Variants in SPEF2 observed in about 807,000 individuals in gnomAD.
SPEF2 encodes sperm flagella and cilia-associated protein 2.
Under a neutral mutation model 224.6 loss-of-function variants are expected in SPEF2, and 187 were observed. The ratio of observed to expected loss-of-function variants is 0.83; its 90% CI spans 0.74 to 0.94. The LOEUF is 0.94. Among genes scored for constraint, SPEF2 ranks in the 40% least tolerant of loss-of-function variants. SPEF2 has a pLI of 0.00. For synonymous variants in SPEF2, 715 were observed against 707.3 expected, an observed-to-expected ratio of 1.01 and a Z score of -0.17; for missense variants, 2,170 against 2,135.6, an observed-to-expected ratio of 1.02 and a Z score of -0.32.
chr5:35,627,277 T>A (rs1163529254), intron 1 of SPEF2, among the ~76,000 whole-genome samples: 1 of 152,012 alleles, frequency 6.6e-6, no homozygotes, highest in Non-Finnish European at 1.5e-5. Context: ...GAACATTTTT[T>A]AAAAAAGCAA....
In SPEF2 at chr5:35,697,728, G is replaced by A. The variant is rs756932169; in HGVS notation, c.2076G>A (p.Gln692=). 17 of 1,613,358 alleles carry A rather than the reference G, an allele frequency of 1.1e-5. No homozygotes were observed. Among genetic ancestry groups the A allele is most frequent in the Non-Finnish European group, 1.4e-5 (16 of 1,179,658 alleles). ...CTCAGCTTGGTGCAAAATCAGAACAGTTGCTGAAGAAAGGAAAGAGCATTC... is the reference window on the plus strand; with the variant it reads ...CTCAGCTTGGTGCAAAATCAGAACAATTGCTGAAGAAAGGAAAGAGCATTC... ...TRAQLGAKSE[Q]LLKKGKSIPD... is the part of the protein sequence containing the mutation. The change falls in exon 15 of 37, where the codon CAG becomes CAA. Residue 692 remains glutamine (Q), a synonymous_variant. Transcript: ENST00000356031.
chr5:35,753,929 A>G (rs1399210609), intron 24 of SPEF2, among the ~76,000 whole-genome samples, 168 bp downstream of exon 24: 2 of 152,172 alleles, frequency 1.3e-5, no homozygotes, highest in Non-Finnish European at 2.9e-5. Context: ...AGCCGAAATA[A>G]TACATTTTGA....
intron 30 of SPEF2, chr5:35,791,378 G>A (rs1483327727): frequency 6.6e-6 from 1 of 152,152 alleles, no homozygotes; most frequent in African/African-American, 2.4e-5. Context: ...AAGGATTATT[G>A]CATTTCCCTG....
intron 21 of SPEF2, among the ~76,000 whole-genome samples, chr5:35,732,436 G>A (rs1745787315): frequency 6.6e-6 from 1 of 152,072 alleles, no homozygotes; most frequent in Non-Finnish European, 1.5e-5. Context: ...TGACAAACTA[G>A]AAACCAGAGA....
At chr5:35,709,348 C>T in intron 19 of SPEF2, 1 of 1,349,584 alleles carries the variant, frequency 7.4e-7, no homozygotes, top group Non-Finnish European at 9.5e-7. Flanking sequence ...GTCATCACAC[C>T]TAGGTCTACT....
intron 12 of SPEF2, among the ~76,000 whole-genome samples, chr5:35,693,695 C>T (rs959380410): frequency 4.6e-5 from 7 of 152,158 alleles, no homozygotes; most frequent in African/African-American, 1.7e-4. Flanking sequence ...GTCCACTACT[C>T]TTTCCTCTCT....
intron 21 of SPEF2, among the ~76,000 whole-genome samples, chr5:35,730,878 C>T (rs1461064065): frequency 2.0e-5 from 3 of 152,064 alleles, no homozygotes; most frequent in African/African-American, 4.8e-5. Context: ...AGAAAATTTG[C>T]CCTTAAAATC....
intron 7 of SPEF2, among the ~76,000 whole-genome samples, chr5:35,657,548 A>T (rs775512718): frequency 6.6e-6 from 1 of 152,002 alleles, no homozygotes; most frequent in African/African-American, 2.4e-5. Context: ...TGAACAATTG[A>T]GTATTAGGAG....
At chr5:35,781,256 C>G (rs536893735) in intron 30 of SPEF2, 2 of 151,690 alleles carry the variant, frequency 1.3e-5, no homozygotes, top group Admixed American at 1.3e-4. Flanking sequence ...ATATGAACAA[C>G]TATTTGAGTT....
intron 1 of SPEF2, among the ~76,000 whole-genome samples, chr5:35,618,520 A>C (rs887396242): frequency 2.6e-5 from 4 of 152,212 alleles, no homozygotes; most frequent in African/African-American, 7.2e-5. Flanking sequence ...TGGACAAGTT[A>C]CAATACCTTC....
At chr5:35,749,437 C>T (rs560835015) in intron 23 of SPEF2, among the ~76,000 whole-genome samples, 34 of 151,906 alleles carry the variant, frequency 2.2e-4, no homozygotes, top group Non-Finnish European at 3.8e-4. Flanking sequence ...ACGATATGAT[C>T]GTTTACCTTG....
In SPEF2 at chr5:35,806,778, G is replaced by C. The variant is rs267600607; in HGVS notation, c.5082G>C (p.Arg1694Ser). The C allele has an allele frequency of 3.7e-6, 6 of 1,613,804 alleles. No individual in the cohort carries two copies. The African/African-American group carries it at 8.0e-5, about 22-fold the overall frequency. ...AGGAAAATGCTGCAAGAGAAGAAAG[G>C]AAATTAAAAGACGACACGGAGAAAA... ...EPEENAAREERKLKDDTEKRE... is the reference protein window; with the variant it reads ...EPEENAAREESKLKDDTEKRE... Residue 1694 changes from arginine to serine, a missense_variant, in exon 35 of 37, where the codon AGG becomes AGC. Arg to Ser is a moderately radical substitution (Grantham distance 110). Coordinates refer to ENST00000356031, the MANE Select transcript of SPEF2 (RefSeq NM_024867.4).
rs780977255 is a variant in SPEF2, at chr5:35,694,307, C to T, written c.1919C>T (p.Ser640Leu). The change falls in exon 13 of 37, where the codon TCA becomes TTA. Residue 640 changes from serine to leucine, a missense_variant. Physicochemically the swap from Ser to Leu is moderately radical, Grantham distance 145. Transcript: ENST00000356031. ...CCAAAGGATCCACAACATGTATTTT[C>T]AGCTGGTCCAGTTTCAGATGAAGTA... The part of the protein sequence containing the change: ...KESQDPQHVF[S>L]AGPVSDEVLP... 111 of 1,613,398 alleles carry T rather than the reference C, an allele frequency of 6.9e-5. No homozygotes were observed. Among genetic ancestry groups the T allele is most frequent in the Non-Finnish European group, 8.9e-5 (105 of 1,179,696 alleles).
intron 30 of SPEF2, chr5:35,787,947 G>A: frequency 1.6e-6 from 1 of 629,798 alleles, no homozygotes; most frequent in Non-Finnish European, 2.8e-6. Flanking sequence ...CTTCCAAAAA[G>A]AAGCCATCAA....
chr5:35,739,788 G>C, intron 21 of SPEF2, 131 bp from the exon 22 acceptor site: 1 of 945,242 alleles, frequency 1.1e-6, no homozygotes. Context: ...GGAGCAAGAA[G>C]TCTCACAGGG....
At chr5:35,649,221 A>G in intron 5 of SPEF2, 140 bp from the exon 6 acceptor site, 1 of 644,130 alleles carries the variant, frequency 1.6e-6, no homozygotes, top group Non-Finnish European at 2.5e-6. Context: ...TATAAAAAAA[A>G]TTTTTAGAAT....
At chr5:35,701,131 C>A (rs1738547846) in intron 16 of SPEF2, among the ~76,000 whole-genome samples, 1 of 152,168 alleles carries the variant, frequency 6.6e-6, no homozygotes, top group Non-Finnish European at 1.5e-5. Flanking sequence ...AAGAAAGGAT[C>A]TGATAACATC....
At chr5:35,807,622 T>C (rs779690890) in intron 36 of SPEF2, 2 of 1,532,774 alleles carry the variant, frequency 1.3e-6, no homozygotes, top group South Asian at 2.4e-5. Context: ...ATATTCATTG[T>C]ACTCTAATCA....
chr5:35,767,013 A>G (rs1237502466), intron 26 of SPEF2, among the ~76,000 whole-genome samples: 2 of 151,776 alleles, frequency 1.3e-5, no homozygotes, highest in African/African-American at 4.8e-5. Flanking sequence ...TTAAGTGTTT[A>G]GTGTACATAT....
Sources: allele counts gnomAD v4.1 joint callset (sites outside exome capture counted in the v4.1 genomes callset), GRCh38; gene constraint gnomAD v4.1.1; transcripts MANE v1.5; gene names NCBI Gene and HGNC (gene_info 2026-07-23, HGNC 2026-07-21).